The following GALNT13 variants were observed in gnomAD, a reference collection of about 807,000 sequenced individuals.
GALNT13 encodes polypeptide N-acetylgalactosaminyltransferase 13.
GALNT13 carries 28 observed loss-of-function variants against 64.2 expected under a neutral mutation model. The observed-to-expected ratio is 0.44, with a 90% confidence interval of 0.32 to 0.60. GALNT13 has a LOEUF of 0.60. GALNT13 is among the 20% of genes least tolerant of loss of function. The probability of loss-of-function intolerance (pLI) is 0.05; values close to 1 mark genes in which losing one functional copy is unlikely to be tolerated. For missense variants in GALNT13, 577 were observed against 669.8 expected, an observed-to-expected ratio of 0.86 and a Z score of 1.53; for synonymous variants, 214 against 224.6, an observed-to-expected ratio of 0.95 and a Z score of 0.42.
At position 154,178,217 on chromosome 2, in the gene GALNT13, G is replaced by A. The variant is rs371852683; in HGVS notation, c.311+37712G>A. Among the ~76,000 whole-genome samples the A allele has an allele frequency of 7.9e-5, 12 of 152,268 alleles. No homozygotes were observed. The South Asian group carries it at 8.3e-4, about 11-fold the overall frequency. On this transcript the variant is annotated intron_variant, in intron 4 of 12. Transcript: ENST00000392825. ...GGTCACACAAGTACACTGGCTGGAA[G>A]AGGGTACTCAGAATCACCAGGCTAT... is the stretch of plus-strand genomic sequence containing the variant.
chr2:154,384,317 C>T (rs948736234), intron 9 of GALNT13, among the ~76,000 whole-genome samples: 1 of 151,790 alleles, frequency 6.6e-6, no homozygotes, highest in Admixed American at 6.6e-5. Context: ...AATGTGAATG[C>T]CTTTGGTTAT....
chr2:153,497,337 C>T, the GALNT13 span, among the ~76,000 whole-genome samples: 1 of 152,002 alleles, frequency 6.6e-6, no homozygotes, highest in Non-Finnish European at 1.5e-5. Flanking sequence ...GGGCTGGTGT[C>T]TGTTGCCTAA....
At chr2:153,982,212 C>A (rs1237077687) in intron 3 of GALNT13, among the ~76,000 whole-genome samples, 1 of 152,108 alleles carries the variant, frequency 6.6e-6, no homozygotes, top group African/African-American at 2.4e-5. Context: ...ATCAAAGTGA[C>A]AGGCTCTGAG....
intron 8 of GALNT13, among the ~76,000 whole-genome samples, chr2:154,295,529 C>T (rs956407512): frequency 1.3e-5 from 2 of 151,766 alleles, no homozygotes; most frequent in African/African-American, 4.8e-5. Flanking sequence ...ATGTGCCCAG[C>T]TAATTTTTTA....
chr2:153,677,436 A>G, the GALNT13 span, among the ~76,000 whole-genome samples: 1 of 151,976 alleles, frequency 6.6e-6, no homozygotes, highest in Admixed American at 6.6e-5. Flanking sequence ...AACATTACAT[A>G]TTCATGAATA....
chr2:153,125,384 C>T, the GALNT13 span, among the ~76,000 whole-genome samples: 2 of 152,188 alleles, frequency 1.3e-5, no homozygotes, highest in Admixed American at 1.3e-4. Flanking sequence ...GAAAGGAGCT[C>T]ATGGGTCATT....
chr2:154,030,771 C>T (rs1698282875), intron 3 of GALNT13, among the ~76,000 whole-genome samples: 1 of 152,120 alleles, frequency 6.6e-6, no homozygotes. Flanking sequence ...CTCTCTCCTG[C>T]TCTTCTGTGG....
At chr2:154,396,475 A>C (rs1416158495) in intron 10 of GALNT13, among the ~76,000 whole-genome samples, 1 of 152,222 alleles carries the variant, frequency 6.6e-6, no homozygotes, top group Admixed American at 6.5e-5. Flanking sequence ...TGAGAACTTT[A>C]AAACCCATTT....
intron 9 of GALNT13, among the ~76,000 whole-genome samples, chr2:154,326,341 AAT>A (rs1694873045): frequency 6.6e-6 from 1 of 151,566 alleles, no homozygotes; most frequent in East Asian, 1.9e-4. Context: ...AAAAAAAAAA[AAT>A]ACAAGTTAAA....
At chr2:153,786,299 C>A in the GALNT13 span, among the ~76,000 whole-genome samples, 6 of 152,038 alleles carry the variant, frequency 3.9e-5, no homozygotes, top group African/African-American at 1.4e-4. Context: ...GAACAAAGTG[C>A]GTAGTCACTA....
the GALNT13 span, among the ~76,000 whole-genome samples, chr2:153,653,810 A>T: frequency 6.6e-6 from 1 of 152,218 alleles, no homozygotes; most frequent in Non-Finnish European, 1.5e-5. Context: ...TATATTTTGG[A>T]ATAATCAAAT....
the GALNT13 span, among the ~76,000 whole-genome samples, chr2:153,339,524 G>T: frequency 3.9e-5 from 6 of 152,268 alleles, no homozygotes; most frequent in African/African-American, 1.4e-4. Flanking sequence ...CTGTGTGTCA[G>T]ATGTGTGGTT....
At chr2:153,896,081 A>ATATATATATATATTTTTTTTTTTTTTTT (rs1574065409) in intron 1 of GALNT13, among the ~76,000 whole-genome samples, 98 of 136,758 alleles carry the variant, frequency 7.2e-4, no homozygotes, top group East Asian at 2.0e-3. Context: ...ATGATTTTAT[A>ATATATATATATATTTTTTTTTTTTTTTT]TTTTTATGTT....
the GALNT13 span, among the ~76,000 whole-genome samples, chr2:153,549,403 A>G: frequency 6.6e-6 from 1 of 152,284 alleles, no homozygotes; most frequent in East Asian, 1.9e-4. Context: ...AATAGAAATA[A>G]ATTATTTGTG....
intron 3 of GALNT13, among the ~76,000 whole-genome samples, chr2:154,132,503 C>T (rs1275926084): frequency 6.6e-6 from 1 of 152,004 alleles, no homozygotes; most frequent in East Asian, 1.9e-4. Context: ...TTATGCAGTA[C>T]TGTATATAAG....
chr2:154,432,466 G>T (rs1574294848), intron 11 of GALNT13, among the ~76,000 whole-genome samples: 1 of 152,278 alleles, frequency 6.6e-6, no homozygotes, highest in Non-Finnish European at 1.5e-5. Flanking sequence ...GTTTGCTGGA[G>T]CTGTTGTATC....
the GALNT13 span, among the ~76,000 whole-genome samples, chr2:153,328,269 A>G: frequency 4.2e-4 from 64 of 152,142 alleles, no homozygotes; most frequent in Non-Finnish European, 8.2e-4. Context: ...TTCAGTCAGG[A>G]GGCATGGGGG....
At chr2:153,377,031 A>G in the GALNT13 span, among the ~76,000 whole-genome samples, 9 of 152,174 alleles carry the variant, frequency 5.9e-5, no homozygotes, top group Admixed American at 1.3e-4. Context: ...ATTTGGAGAT[A>G]AAGTCTTTAA....
At chr2:153,143,312 A>G in the GALNT13 span, among the ~76,000 whole-genome samples, 1 of 152,022 alleles carries the variant, frequency 6.6e-6, no homozygotes, top group Non-Finnish European at 1.5e-5. Flanking sequence ...GAAAAAATAT[A>G]CACCCTAATT....
Sources: allele counts gnomAD v4.1 joint callset (sites outside exome capture counted in the v4.1 genomes callset), GRCh38; gene constraint gnomAD v4.1.1; transcripts MANE v1.5; gene names NCBI Gene and HGNC (gene_info 2026-07-23, HGNC 2026-07-21).